Variants in AHI1 observed in about 807,000 individuals in gnomAD.
The protein encoded by AHI1 is jouberin.
Under a neutral mutation model 149.3 loss-of-function variants are expected in AHI1, and 123 were observed. That is an observed-to-expected ratio of 0.82 (90% CI 0.71 to 0.96). The LOEUF is 0.96. Ranked by LOEUF, AHI1 falls within the 40% of genes least tolerant of loss-of-function variation. The pLI is 0.00. For synonymous variants in AHI1, 475 were observed against 459.8 expected (o/e 1.03, Z -0.42); for missense variants, 1,439 against 1,422.7 (o/e 1.01, Z -0.18).
intron 28 of AHI1, 32 bp from the exon 29 acceptor site, chr6:135,285,679 T>G (rs1270672550): frequency 3.2e-6 from 5 of 1,564,410 alleles, no homozygotes; most frequent in Non-Finnish European, 4.4e-6. Flanking sequence ...ATGTACTAAA[T>G]AAACTTGAAT....
Position 135,352,708 on chromosome 6 carries a change from T to C in AHI1, c.3165+5424A>G, listed in dbSNP as rs973706287. ...CAAAGACACATTGTGTGTGTATATA[T>C]ATATACACACACACACACACACACA... On this transcript the variant is annotated intron_variant, in intron 24 of 28. Coordinates refer to ENST00000265602, the MANE Select transcript of AHI1 (RefSeq NM_001134831.2). Among the ~76,000 whole-genome samples, 17 of 142,882 alleles carry C rather than the reference T, an allele frequency of 1.2e-4. No homozygotes were observed. In the South Asian group the frequency reaches 1.7e-3, roughly 15 times the overall value. 93.7% of individuals were successfully genotyped at this position (142,882 alleles called of 152,430 possible). A position where few individuals can be genotyped will look rare whatever the true frequency, so the allele number is the denominator to read the frequency against.
intron 24 of AHI1, among the ~76,000 whole-genome samples, chr6:135,347,451 G>A (rs1582731891): frequency 6.6e-6 from 1 of 152,136 alleles, no homozygotes; most frequent in Admixed American, 6.5e-5. Flanking sequence ...CTTTTAGAGA[G>A]TTAATATTTT....
rs142036871 is a variant in AHI1 at position 135,336,372 on chromosome 6, C to T, written c.3166-13048G>A. On this transcript the variant is annotated intron_variant, in intron 24 of 28. Coordinates refer to ENST00000265602, the MANE Select transcript of AHI1 (RefSeq NM_001134831.2). ...CAGCACTCTGGGAGGCTGAGGTGGG[C>T]GGATCGCTTGAGTCCAGGAGTTCGA... Among the ~76,000 whole-genome samples the T allele has an allele frequency of 4.1e-3, 627 of 151,904 alleles. 1 individual carries two copies. Among genetic ancestry groups the T allele is most frequent in the African/African-American group, 0.014 (591 of 41,402 alleles).
intron 18 of AHI1, among the ~76,000 whole-genome samples, chr6:135,429,179 C>A (rs1330543293): frequency 6.6e-6 from 1 of 151,424 alleles, no homozygotes; most frequent in Non-Finnish European, 1.5e-5. Flanking sequence ...TAAAATAATA[C>A]AAGGAATATT....
In AHI1 at chr6:135,344,591, T is replaced by C. The variant is rs1790883527; in HGVS notation, c.3165+13541A>G. Among the ~76,000 whole-genome samples the C allele has an allele frequency of 2.0e-5, 3 of 151,844 alleles. No homozygotes were observed. The South Asian group carries it at 6.2e-4, about 32-fold the overall frequency. On this transcript the variant is annotated intron_variant, in intron 24 of 28. Transcript: ENST00000265602. ...ATGTGACCATATTTTCCAAACCAAATATAGATTTGTTAACTTCAAACCCTC... is the reference window on the plus strand; with the variant it reads ...ATGTGACCATATTTTCCAAACCAAACATAGATTTGTTAACTTCAAACCCTC...
chr6:135,449,999 G>A (rs2128062972), intron 11 of AHI1, among the ~76,000 whole-genome samples: 1 of 152,264 alleles, frequency 6.6e-6, no homozygotes, highest in South Asian at 2.1e-4. Context: ...TCAGTTTGGA[G>A]GAATCTGACA....
chr6:135,299,846 AG>A (rs1267824647), intron 27 of AHI1, among the ~76,000 whole-genome samples: 1 of 152,204 alleles, frequency 6.6e-6, no homozygotes, highest in African/African-American at 2.4e-5. Flanking sequence ...GCTTCAAAAA[AG>A]GCATTCATAA....
intron 9 of AHI1, 32 bp from the exon 10 acceptor site, chr6:135,455,958 A>G: frequency 7.5e-7 from 1 of 1,327,978 alleles, no homozygotes; most frequent in African/African-American, 1.5e-5. Context: ...CATTAACACA[A>G]TTTTCATAAT....
At chr6:135,378,621 A>G (rs1272820662) in intron 23 of AHI1, among the ~76,000 whole-genome samples, 1 of 152,248 alleles carries the variant, frequency 6.6e-6, no homozygotes, top group African/African-American at 2.4e-5. Flanking sequence ...ATATAATTTA[A>G]TATCTGTCTT....
chr6:135,493,200 T>C (rs1245120392), intron 3 of AHI1, among the ~76,000 whole-genome samples: 1 of 152,130 alleles, frequency 6.6e-6, no homozygotes, highest in East Asian at 1.9e-4. Context: ...GGTTTCATCA[T>C]GTTGGCCAGG....
chr6:135,337,802 T>A (rs1040915545), intron 24 of AHI1, among the ~76,000 whole-genome samples: 7 of 149,416 alleles, frequency 4.7e-5, no homozygotes, highest in Non-Finnish European at 8.9e-5. Context: ...TGAAGAAATC[T>A]TGAGTACTAA....
intron 24 of AHI1, among the ~76,000 whole-genome samples, chr6:135,340,865 A>G (rs999172708): frequency 6.6e-6 from 1 of 151,302 alleles, no homozygotes; most frequent in African/African-American, 2.4e-5. Flanking sequence ...GTTTTTATAT[A>G]CTACTGAAAT....
chr6:135,345,624 G>C (rs922397725), intron 24 of AHI1, among the ~76,000 whole-genome samples: 6 of 152,094 alleles, frequency 3.9e-5, no homozygotes, highest in Admixed American at 3.9e-4. Context: ...AACCCATAGA[G>C]ATGGAAAGTT....
At chr6:135,319,132 G>A (rs1234420470) in intron 25 of AHI1, among the ~76,000 whole-genome samples, 2 of 152,242 alleles carry the variant, frequency 1.3e-5, no homozygotes, top group Non-Finnish European at 2.9e-5. Flanking sequence ...GGAAGAAGTG[G>A]TAGGTGTATC....
intron 26 of AHI1, among the ~76,000 whole-genome samples, chr6:135,309,580 T>C (rs149431098): frequency 0.011 from 1,708 of 151,572 alleles, 27 homozygotes; most frequent in African/African-American, 0.038. Flanking sequence ...CCTCCTGAGA[T>C]CAAGCGATTC....
At chr6:135,350,612 G>GA (rs968532340) in intron 24 of AHI1, among the ~76,000 whole-genome samples, 7 of 151,658 alleles carry the variant, frequency 4.6e-5, no homozygotes, top group Admixed American at 6.6e-5. Flanking sequence ...AACTGCTAAG[G>GA]AAAAAAAAGA....
chr6:135,342,836 A>T (rs573188961), intron 24 of AHI1, among the ~76,000 whole-genome samples: 2 of 151,796 alleles, frequency 1.3e-5, no homozygotes, highest in African/African-American at 4.8e-5. Context: ...AGCTAATTTC[A>T]TAATTAATGG....
At chr6:135,477,293 G>A (rs1480904036) in intron 5 of AHI1, among the ~76,000 whole-genome samples, 1 of 152,090 alleles carries the variant, frequency 6.6e-6, no homozygotes, top group Non-Finnish European at 1.5e-5. Context: ...ACTCGCCTCG[G>A]CCTCCCAAAA....
intron 5 of AHI1, among the ~76,000 whole-genome samples, chr6:135,471,172 A>G (rs1232404441): frequency 6.6e-6 from 1 of 152,226 alleles, no homozygotes. Flanking sequence ...TATGGTCTCA[A>G]GGAAAAAATT....
Sources: gnomAD v4.1 joint callset for allele counts (sites outside exome capture counted in the v4.1 genomes callset) on GRCh38, gnomAD v4.1.1 for gene constraint, MANE v1.5 for transcripts, NCBI Gene and HGNC (gene_info 2026-07-23, HGNC 2026-07-21) for gene names.